The following EYS variants were observed in gnomAD, a reference collection of about 807,000 sequenced individuals.
The protein encoded by EYS is EGF-like photoreceptor maintenance factor.
In EYS, 250 loss-of-function variants were observed where a neutral mutation model predicts 282.1. The ratio of observed to expected loss-of-function variants is 0.89; its 90% CI spans 0.80 to 0.98. The LOEUF is 0.98. EYS is among the 50% of genes least tolerant of loss of function. EYS has a pLI of 0.00. For missense variants in EYS, 4,016 were observed against 3,709.0 expected (o/e 1.08, Z -2.15); for synonymous variants, 1,355 against 1,282.9 (o/e 1.06, Z -1.20).
At chr6:64,062,721 C>T (rs1771220681) in intron 33 of EYS, among the ~76,000 whole-genome samples, 1 of 147,748 alleles carries the variant, frequency 6.8e-6, no homozygotes. Context: ...GAAGAAGAAA[C>T]TTATGTTCTC....
intron 26 of EYS, among the ~76,000 whole-genome samples, chr6:64,462,282 A>G (rs1380709728): frequency 1.3e-5 from 2 of 152,230 alleles, no homozygotes; most frequent in Non-Finnish European, 2.9e-5. Context: ...TAGAGAATAA[A>G]TTGCAATCAA....
intron 2 of EYS, among the ~76,000 whole-genome samples, chr6:65,560,666 A>G (rs1769018395): frequency 6.6e-6 from 1 of 151,882 alleles, no homozygotes; most frequent in Admixed American, 6.6e-5. Flanking sequence ...ATTCTTTCTG[A>G]AGAATCTAAA....
intron 7 of EYS, among the ~76,000 whole-genome samples, chr6:65,396,164 C>A (rs1159096269): frequency 1.3e-5 from 2 of 152,074 alleles, no homozygotes; most frequent in Non-Finnish European, 2.9e-5. Context: ...TATTTATTTG[C>A]AACATTAGCA....
intron 15 of EYS, among the ~76,000 whole-genome samples, chr6:64,935,638 C>A (rs763456895): frequency 2.6e-5 from 4 of 151,608 alleles, no homozygotes; most frequent in Non-Finnish European, 4.4e-5. Flanking sequence ...AAATACTACA[C>A]TCTTCCAAAA....
chr6:64,277,080 A>G (rs1768139993), intron 30 of EYS, among the ~76,000 whole-genome samples: 1 of 152,134 alleles, frequency 6.6e-6, no homozygotes, highest in Non-Finnish European at 1.5e-5. Context: ...ACCTATTAAT[A>G]CATAGAATAC....
At chr6:65,120,926 T>G (rs1561976565) in intron 12 of EYS, among the ~76,000 whole-genome samples, 2 of 152,102 alleles carry the variant, frequency 1.3e-5, no homozygotes, top group Non-Finnish European at 2.9e-5. Flanking sequence ...AAGACTACAT[T>G]TATATGTCTA....
chr6:64,079,153 G>T (rs1156300769), intron 32 of EYS, among the ~76,000 whole-genome samples: 1 of 151,846 alleles, frequency 6.6e-6, no homozygotes, highest in East Asian at 1.9e-4. Context: ...CAAATTTCAT[G>T]GTCATCTACC....
chr6:63,877,556 TGA>T (rs1330605040), intron 35 of EYS, among the ~76,000 whole-genome samples: 1 of 152,232 alleles, frequency 6.6e-6, no homozygotes, highest in Non-Finnish European at 1.5e-5. Context: ...GATAATATCC[TGA>T]GAGTGTTTTC....
chr6:64,453,834 A>C (rs1475287704), intron 26 of EYS, among the ~76,000 whole-genome samples: 1 of 152,098 alleles, frequency 6.6e-6, no homozygotes, highest in Admixed American at 6.6e-5. Context: ...AGGAAGGGGA[A>C]CATCACACAC....
intron 2 of EYS, among the ~76,000 whole-genome samples, chr6:65,496,386 T>A (rs1022850879): frequency 3.9e-5 from 6 of 152,060 alleles, no homozygotes; most frequent in Admixed American, 2.0e-4. Flanking sequence ...TATTTTTTTT[T>A]AAAAGGTAAC....
At chr6:64,327,544 G>A (rs998554072) in intron 29 of EYS, among the ~76,000 whole-genome samples, 28 of 152,070 alleles carry the variant, frequency 1.8e-4, no homozygotes, top group Non-Finnish European at 2.4e-4. Context: ...GGTAGTCACC[G>A]GGGTTGGAGA....
intron 11 of EYS, among the ~76,000 whole-genome samples, chr6:65,333,042 C>A (rs1769852472): frequency 6.6e-6 from 1 of 150,398 alleles, no homozygotes; most frequent in Non-Finnish European, 1.5e-5. Context: ...TTTTGATATT[C>A]TTTATTGTTT....
At chr6:65,570,956 CT>C in intron 2 of EYS, among the ~76,000 whole-genome samples, 1 of 152,002 alleles carries the variant, frequency 6.6e-6, no homozygotes, top group Admixed American at 6.6e-5. Flanking sequence ...GTTTTAGAAA[CT>C]CCATTACACA....
chr6:65,134,447 G>T (rs1775966589), intron 12 of EYS, among the ~76,000 whole-genome samples: 1 of 152,044 alleles, frequency 6.6e-6, no homozygotes. Flanking sequence ...TCCTTTGCAG[G>T]GACATGGATA....
chr6:65,246,721 T>C (rs138280736), intron 12 of EYS, among the ~76,000 whole-genome samples: 331 of 152,228 alleles, frequency 2.2e-3, no homozygotes, highest in Middle Eastern at 6.8e-3. Flanking sequence ...CACACACACA[T>C]GTATGCGTGC....
intron 26 of EYS, among the ~76,000 whole-genome samples, chr6:64,552,736 AC>A (rs533975424): frequency 9.8e-5 from 14 of 143,504 alleles, no homozygotes; most frequent in South Asian, 2.4e-4. Context: ...AACATGGTGA[AC>A]CCCCCCCACC....
At chr6:63,813,243 G>A (rs1771093952) in intron 36 of EYS, among the ~76,000 whole-genome samples, 1 of 152,164 alleles carries the variant, frequency 6.6e-6, no homozygotes, top group African/African-American at 2.4e-5. Context: ...GCCTCCCAAA[G>A]TGCTGGGATT....
In EYS at chr6:65,371,019, G is replaced by T. The variant is rs182372130; in HGVS notation, c.1299+13367C>A. 1.1e-3 allele frequency among the ~76,000 whole-genome samples: 161 copies of T among 151,894 alleles called. 4 individuals are homozygous for T. The highest frequency in any genetic ancestry group is 4.5e-3 in the Admixed American group (68 of 15,036). The stretch of plus-strand genomic sequence containing the variant: ...TGTCAAGAAAAAAAAAACACAGAAA[G>T]TGGAGATGACACATATGGGCTGGAT... On this transcript the variant is annotated intron_variant, in intron 8 of 42. Transcript: ENST00000503581.
chr6:64,372,130 G>GTTT lies in EYS; in HGVS notation c.6078+16557_6078+16559dup, dbSNP rs201498090. 4.7e-3 allele frequency among the ~76,000 whole-genome samples: 462 copies of GTTT among 97,612 alleles called. 4 individuals are homozygous for GTTT. Among genetic ancestry groups the GTTT allele is most frequent in the Middle Eastern group, 6.8e-3 (1 of 146 alleles). 64.0% of individuals were successfully genotyped at this position (97,612 alleles called of 152,430 possible). On this transcript the variant is annotated intron_variant, in intron 29 of 42. Coordinates refer to ENST00000503581, the MANE Select transcript of EYS (RefSeq NM_001142800.2). The stretch of plus-strand genomic sequence containing the variant: ...TAGCATCACTGGTCTGTATACTTGT[G>GTTT]TTTTTTTTTTTTTTTTTTTTTTTTT...
Sources: gnomAD v4.1 joint callset for allele counts (sites outside exome capture counted in the v4.1 genomes callset) on GRCh38, gnomAD v4.1.1 for gene constraint, MANE v1.5 for transcripts, NCBI Gene and HGNC (gene_info 2026-07-23, HGNC 2026-07-21) for gene names.